The following P2RY4 variants were observed in gnomAD, a reference collection of about 807,000 sequenced individuals.
The protein encoded by P2RY4 is P2Y purinoceptor 4.
For missense variants in P2RY4, 291 were observed against 308.5 expected (o/e 0.94, Z 0.42); for synonymous variants, 121 against 131.6 (o/e 0.92, Z 0.55).
Position 70,259,747 on chromosome X carries a change from CTG to C in P2RY4, c.-125_-124del. ...GCAGTGGTTGAAGCACTAGGGAGAG[CTG>C]ACAGAAGCGCATCTGGGTGCACTCA... is the stretch of plus-strand genomic sequence containing the variant. On this transcript the variant is annotated 5_prime_UTR_variant, in exon 1 of 1. Transcript: ENST00000374519. 1 of 684,115 alleles carries C rather than the reference CTG, an allele frequency of 1.5e-6. No homozygotes were observed. Among genetic ancestry groups the C allele is most frequent in the Admixed American group, 3.9e-5 (1 of 25,451 alleles). 56.4% of individuals were successfully genotyped at this position (684,115 alleles called of 1,213,427 possible).
chrX:70,259,720 G>A lies in P2RY4; in HGVS notation c.-96C>T, dbSNP rs2085587319. 3 of 861,438 alleles carry A rather than the reference G, an allele frequency of 3.5e-6. No homozygotes were observed. Among genetic ancestry groups the A allele is most frequent in the African/African-American group, 2.0e-5 (1 of 49,389 alleles). 71.0% of individuals were successfully genotyped at this position (861,438 alleles called of 1,213,427 possible). A position where few individuals can be genotyped will look rare whatever the true frequency, so the allele number is the denominator to read the frequency against. ...TGGAGCAAAAAAAGTAGAGCAGGGA[G>A]AGCAGTGGTTGAAGCACTAGGGAGA... On this transcript the variant is annotated 5_prime_UTR_variant, in exon 1 of 1. Transcript: ENST00000374519.
rs772338533 is a variant in P2RY4 at position 70,258,465 on chromosome X, T to C, written c.*62A>G. Reference sequence around the variant, plus strand: ...AGAAGCACCTTACCAGGTATCACTATTGGGTTCCCTCACCTCTGCCCTGCA... The same window carrying C: ...AGAAGCACCTTACCAGGTATCACTACTGGGTTCCCTCACCTCTGCCCTGCA... On this transcript the variant is annotated 3_prime_UTR_variant, in exon 1 of 1. Coordinates refer to ENST00000374519, the MANE Select transcript of P2RY4 (RefSeq NM_002565.4). The C allele has an allele frequency of 5.4e-6, 6 of 1,103,142 alleles. No individual in the cohort carries two copies. In the Admixed American group the frequency reaches 1.4e-4, roughly 26 times the overall value. The allele number at this position is 1,103,142 out of a possible 1,213,427, so 90.9% of individuals were successfully genotyped here.
At position 70,259,004 on chromosome X, in the gene P2RY4, C is replaced by A; in HGVS notation, c.621G>T (p.Leu207=). 8.3e-7 allele frequency: 1 copy of A among 1,211,778 alleles called. No individual in the cohort carries two copies. Among genetic ancestry groups the A allele is most frequent in the Non-Finnish European group, 1.1e-6 (1 of 895,346 alleles). The change falls in exon 1 of 1, where the codon CTG becomes CTT. Residue 207 remains leucine, a synonymous_variant. Coordinates refer to ENST00000374519, the MANE Select transcript of P2RY4 (RefSeq NM_002565.4). ...YVHFSSAVMG[L]LFGVPCLVTL... ...TGACCAGGCAGGGCACGCCAAAGAG[C>A]AGCCCCATGACCGCCGAGCTGAAGT...
Position 70,259,458 on chromosome X carries a change from G to T in P2RY4, c.167C>A (p.Thr56Asn). ...GAGGCGGAAGATGAAGAGCCATAGG[G>T]TTGGGGCGTTAAGGCCCAAGCCCAG... is the stretch of plus-strand genomic sequence containing the variant. ...FVLGLGLNAPTLWLFIFRLRP... is the reference protein window; with the variant it reads ...FVLGLGLNAPNLWLFIFRLRP... The change falls in exon 1 of 1, where the codon ACC becomes AAC. Residue 56 changes from threonine (T) to asparagine (N), a missense_variant. Transcript: ENST00000374519. 3.3e-6 allele frequency: 4 copies of T among 1,211,250 alleles called. No individual in the cohort carries two copies. Among genetic ancestry groups the T allele is most frequent in the Non-Finnish European group, 4.5e-6 (4 of 894,935 alleles).
Position 70,258,450 on chromosome X carries a change from T to C in P2RY4, c.*77A>G, listed in dbSNP as rs2085578662. ...GCCTGGAAAAGAGGAAGAAGCACCT[T>C]ACCAGGTATCACTATTGGGTTCCCT... On this transcript the variant is annotated 3_prime_UTR_variant, in exon 1 of 1. Transcript: ENST00000374519. The C allele has an allele frequency of 4.6e-5, 48 of 1,049,519 alleles. No homozygotes were observed. The highest frequency in any genetic ancestry group is 5.9e-5 in the Non-Finnish European group (46 of 778,986). The allele number at this position is 1,049,519 out of a possible 1,213,427, so 86.5% of individuals were successfully genotyped here. A position where few individuals can be genotyped will look rare whatever the true frequency, so the allele number is the denominator to read the frequency against.
In P2RY4 at chrX:70,258,513, C is replaced by T; in HGVS notation, c.*14G>A. ...GCACTCATCCCCTTTTCTCTCACTT[C>T]CCGGCTTCCCGTGTTACAATCTATC... On this transcript the variant is annotated 3_prime_UTR_variant, in exon 1 of 1. Coordinates refer to ENST00000374519, the MANE Select transcript of P2RY4 (RefSeq NM_002565.4). 1 of 1,173,557 alleles carries T rather than the reference C, an allele frequency of 8.5e-7. No homozygotes were observed. Among genetic ancestry groups the T allele is most frequent in the East Asian group, 3.0e-5 (1 of 33,502 alleles).
chrX:70,259,628 C>T lies in P2RY4; in HGVS notation c.-4G>A, dbSNP rs745586529. 19 of 1,173,190 alleles carry T rather than the reference C, an allele frequency of 1.6e-5. No homozygotes were observed. In the East Asian group the frequency reaches 5.5e-4, roughly 34 times the overall value. ...GGGAGGACTCTGTACTGGCCATGGC[C>T]CCCCTGGAGATGGGAAGGGGAGAAG... On this transcript the variant is annotated 5_prime_UTR_variant, in exon 1 of 1. Coordinates refer to ENST00000374519, the MANE Select transcript of P2RY4 (RefSeq NM_002565.4).
rs759796806 is a variant in P2RY4 at position 70,258,850 on chromosome X, C to T, written c.775G>A (p.Val259Met). The T allele has an allele frequency of 2.0e-5, 24 of 1,209,888 alleles. No individual in the cohort carries two copies. Among genetic ancestry groups the T allele is most frequent in the East Asian group, 3.0e-5 (1 of 33,769 alleles). The change falls in exon 1 of 1, where the codon GTG becomes ATG. Residue 259 changes from valine to methionine, a missense_variant. Val to Met is a conservative substitution (Grantham distance 21, BLOSUM62 1). Transcript: ENST00000374519. ...VVLTVFAVCF[V>M]PFHITRTIYY... ...ATGGTGCGGGTGATGTGGAAAGGCA[C>T]GAAGCAGACAGCAAAGACAGTCAGC...
At position 70,259,318 on chromosome X, in the gene P2RY4, A is replaced by C. The variant is rs1376220610; in HGVS notation, c.307T>G (p.Phe103Val). The change falls in exon 1 of 1, where the codon TTT becomes GTT. Residue 103 changes from phenylalanine to valine, a missense_variant. Physicochemically the swap from Phe to Val is conservative, Grantham distance 50 (BLOSUM62 -1). Coordinates refer to ENST00000374519, the MANE Select transcript of P2RY4 (RefSeq NM_002565.4). ...ACGAACTTGCAGATCTCAGTGCCAAAGGGCCAGTGGTTGTGGGCTGCATAA... is the reference window on the plus strand; with the variant it reads ...ACGAACTTGCAGATCTCAGTGCCAACGGGCCAGTGGTTGTGGGCTGCATAA... The part of the protein sequence containing the change: ...YYYAAHNHWP[F>V]GTEICKFVRF... 2 of 1,212,159 alleles carry C rather than the reference A, an allele frequency of 1.6e-6. No homozygotes were observed.
chrX:70,259,497 G>C lies in P2RY4; in HGVS notation c.128C>G (p.Ala43Gly), dbSNP rs2085586000. Residue 43 changes from alanine to glycine, a missense_variant, in exon 1 of 1, where the codon GCA becomes GGA. Transcript: ENST00000374519. ...GCCCAAGCCCAGCACAAAGACAACT[G>C]CATAGCTCACAGGCAGCAGGATGAA... is the stretch of plus-strand genomic sequence containing the variant. The part of the protein sequence containing the change: ...FKFILLPVSY[A>G]VVFVLGLGLN... 1 of 1,210,116 alleles carries C rather than the reference G, an allele frequency of 8.3e-7. No homozygotes were observed. Among genetic ancestry groups the C allele is most frequent in the African/African-American group, 1.7e-5 (1 of 57,464 alleles).
In P2RY4 at chrX:70,259,798, C is replaced by A; in HGVS notation, c.-174G>T. 1 of 480,904 alleles carries A rather than the reference C, an allele frequency of 2.1e-6. No homozygotes were observed. Among genetic ancestry groups the A allele is most frequent in the Non-Finnish European group, 3.5e-6 (1 of 283,398 alleles). The allele number at this position is 480,904 out of a possible 1,213,427, so 39.6% of individuals were successfully genotyped here. ...CAGGCTAGCCTGGCCCCTACCCAAG[C>A]TCCCTTGGTCCAGCTTGGGAAGTGG... On this transcript the variant is annotated 5_prime_UTR_variant, in exon 1 of 1. Coordinates refer to ENST00000374519, the MANE Select transcript of P2RY4 (RefSeq NM_002565.4).
chrX:70,259,857 A>G lies in P2RY4; in HGVS notation c.-233T>C, dbSNP rs2085587915. ...AGGCAGTGCTGGGGCTCAGGCAGGC[A>G]GCCCGTGTATTTGGGTTGTACTCAC... On this transcript the variant is annotated 5_prime_UTR_variant, in exon 1 of 1. Coordinates refer to ENST00000374519, the MANE Select transcript of P2RY4 (RefSeq NM_002565.4). 9.4e-6 allele frequency: 4 copies of G among 423,576 alleles called. No homozygotes were observed. Among genetic ancestry groups the G allele is most frequent in the Non-Finnish European group, 1.3e-5 (3 of 238,787 alleles). 34.9% of individuals were successfully genotyped at this position (423,576 alleles called of 1,213,427 possible).
Position 70,258,710 on chromosome X carries a change from G to C in P2RY4, c.915C>G (p.Leu305=). 1.7e-6 allele frequency: 2 copies of C among 1,212,019 alleles called. No individual in the cohort carries two copies. Among genetic ancestry groups the C allele is most frequent in the Middle Eastern group, 4.6e-4 (2 of 4,356 alleles). The change falls in exon 1 of 1, where the codon CTC becomes CTG. Residue 305 remains leucine (L), a synonymous_variant. Coordinates refer to ENST00000374519, the MANE Select transcript of P2RY4 (RefSeq NM_002565.4). The part of the protein sequence containing the change: ...ASANSCLDPV[L]YLLTGDKYRR... ...GATATTTGTCCCCAGTGAGCAAGTA[G>C]AGCACAGGATCCAGGCAGCTGTTGG...
At position 70,258,891 on chromosome X, in the gene P2RY4, C is replaced by T. The variant is rs778002771; in HGVS notation, c.734G>A (p.Arg245His). The T allele has an allele frequency of 1.8e-5, 22 of 1,209,787 alleles. No individual in the cohort carries two copies. Among genetic ancestry groups the T allele is most frequent in the South Asian group, 3.5e-5 (2 of 56,701 alleles). ...AQSSSRLRSL[R>H]TIAVVLTVFA... ...GACAGTCAGCACCACAGCTATGGTGCGGAGAGAGCGGAGGCGAGAAGACGA... is the reference window on the plus strand; with the variant it reads ...GACAGTCAGCACCACAGCTATGGTGTGGAGAGAGCGGAGGCGAGAAGACGA... The change falls in exon 1 of 1, where the codon CGC (arginine) becomes CAC (histidine). Residue 245 changes from arginine to histidine, a missense_variant. Coordinates refer to ENST00000374519, the MANE Select transcript of P2RY4 (RefSeq NM_002565.4).
In P2RY4 at chrX:70,259,717, G is replaced by A; in HGVS notation, c.-93C>T. 1.2e-6 allele frequency: 1 copy of A among 864,672 alleles called. No individual in the cohort carries two copies. Among genetic ancestry groups the A allele is most frequent in the Non-Finnish European group, 1.6e-6 (1 of 626,269 alleles). 71.3% of individuals were successfully genotyped at this position (864,672 alleles called of 1,213,427 possible). A position where few individuals can be genotyped will look rare whatever the true frequency, so the allele number is the denominator to read the frequency against. On this transcript the variant is annotated 5_prime_UTR_variant, in exon 1 of 1. Coordinates refer to ENST00000374519, the MANE Select transcript of P2RY4 (RefSeq NM_002565.4). Reference sequence around the variant, plus strand: ...AGCTGGAGCAAAAAAAGTAGAGCAGGGAGAGCAGTGGTTGAAGCACTAGGG... The same window carrying A: ...AGCTGGAGCAAAAAAAGTAGAGCAGAGAGAGCAGTGGTTGAAGCACTAGGG...
rs1253402078 is a variant in P2RY4 at position 70,258,790 on chromosome X, G to A, written c.835C>T (p.Arg279Ter). The A allele has an allele frequency of 3.1e-5, 38 of 1,211,928 alleles. No homozygotes were observed. Among genetic ancestry groups the A allele is most frequent in the Non-Finnish European group, 4.2e-5 (38 of 895,430 alleles). ...ACCACGTTGACAATGTTCAGTACTC[G>A]GCAGTCAGCTTCCAACAGCCTGGCC... ...YLARLLEADC[R>*]VLNIVNVVYK... The change falls in exon 1 of 1, where the codon CGA (arginine) becomes TGA (stop). Residue 279 changes from arginine (R) to a stop codon, truncating the protein, a stop_gained. Coordinates refer to ENST00000374519, the MANE Select transcript of P2RY4 (RefSeq NM_002565.4). LOFTEE classifies it low-confidence loss of function (END_TRUNC).
Position 70,258,981 on chromosome X carries a change from A to G in P2RY4, c.644T>C (p.Val215Ala). 1 of 1,211,734 alleles carries G rather than the reference A, an allele frequency of 8.3e-7. No homozygotes were observed. The highest frequency in any genetic ancestry group is 1.1e-6 in the Non-Finnish European group (1 of 895,350). The change falls in exon 1 of 1, where the codon GTC (valine) becomes GCC (alanine). Residue 215 changes from valine (V) to alanine (A), a missense_variant. Physicochemically the swap from Val to Ala is moderately conservative, Grantham distance 64. Coordinates refer to ENST00000374519, the MANE Select transcript of P2RY4 (RefSeq NM_002565.4). ...MGLLFGVPCL[V>A]TLVCYGLMAR... The stretch of plus-strand genomic sequence containing the variant: ...CATGAGTCCATAGCAAACAAGAGTG[A>G]CCAGGCAGGGCACGCCAAAGAGCAG...
At position 70,259,113 on chromosome X, in the gene P2RY4, A is replaced by G. The variant is rs1481752403; in HGVS notation, c.512T>C (p.Leu171Pro). The change falls in exon 1 of 1, where the codon CTG becomes CCG. Residue 171 changes from leucine (L) to proline (P), a missense_variant. By Grantham distance (98) the Leu-to-Pro change is moderately conservative. Transcript: ENST00000374519. ...LVVAGCLVPN[L>P]FFVTTSNKGT... ...TTTGTTGCTGGTTGTGACAAAGAAC[A>G]GGTTGGGCACGAGGCAGCCGGCTAC... 1.7e-6 allele frequency: 2 copies of G among 1,212,064 alleles called. No individual in the cohort carries two copies. Among genetic ancestry groups the G allele is most frequent in the East Asian group, 3.0e-5 (1 of 33,819 alleles).
chrX:70,259,068 T>C lies in P2RY4; in HGVS notation c.557A>G (p.His186Arg). The change falls in exon 1 of 1, where the codon CAT becomes CGT. Residue 186 changes from histidine to arginine, a missense_variant. Transcript: ENST00000374519. ...TSNKGTTVLC[H>R]DTTRPEEFDH... The stretch of plus-strand genomic sequence containing the variant: ...AAACTCTTCAGGCCGAGTGGTGTCA[T>C]GGCACAGGACGGTGGTCCCTTTGTT... 5 of 1,211,868 alleles carry C rather than the reference T, an allele frequency of 4.1e-6. No individual in the cohort carries two copies. Among genetic ancestry groups the C allele is most frequent in the Non-Finnish European group, 5.6e-6 (5 of 895,465 alleles).
Sources: gnomAD v4.1 joint callset for allele counts on GRCh38, gnomAD v4.1.1 for gene constraint, MANE v1.5 for transcripts, NCBI Gene and HGNC (gene_info 2026-07-23, HGNC 2026-07-21) for gene names.